The following KIAA0753 variants were observed in gnomAD, a reference collection of about 807,000 sequenced individuals.
KIAA0753 encodes protein moonraker.
Under a neutral mutation model 116.9 loss-of-function variants are expected in KIAA0753, and 114 were observed. The observed-to-expected ratio is 0.98, with a 90% CI of 0.84 to 1.14. The LOEUF (loss-of-function observed/expected upper bound fraction) is 1.14. Ranked by LOEUF, KIAA0753 falls within the 50% of genes most tolerant of loss-of-function variation. The probability of loss-of-function intolerance (pLI) is 0.00; values close to 1 mark genes in which losing one functional copy is unlikely to be tolerated. For missense variants in KIAA0753, 1,156 were observed against 1,172.4 expected (o/e 0.99, Z 0.20); for synonymous variants, 405 against 413.1 (o/e 0.98, Z 0.24).
intron 7 of KIAA0753, among the ~76,000 whole-genome samples, chr17:6,613,654 A>G (rs1012842900): frequency 3.3e-5 from 5 of 152,252 alleles, no homozygotes. Flanking sequence ...TGTTCAAAAA[A>G]CAGTGTTAAG....
chr17:6,618,197 C>T (rs1305128708), intron 7 of KIAA0753, among the ~76,000 whole-genome samples: 1 of 152,094 alleles, frequency 6.6e-6, no homozygotes. Flanking sequence ...AAGGTGGCTC[C>T]CCTGGAGAGG....
intron 15 of KIAA0753, 72 bp downstream of exon 15, chr17:6,596,086 G>C: frequency 7.1e-7 from 1 of 1,413,418 alleles, no homozygotes; most frequent in Non-Finnish European, 9.8e-7. Context: ...GGCTGCAGAG[G>C]CATGAGGAGA....
intron 7 of KIAA0753, among the ~76,000 whole-genome samples, chr17:6,612,622 C>T (rs1308834832): frequency 6.6e-6 from 1 of 152,190 alleles, no homozygotes; most frequent in Non-Finnish European, 1.5e-5. Context: ...AATCCCAGCA[C>T]TTTGGAAGGC....
At chr17:6,607,079 G>A in intron 11 of KIAA0753, 102 bp downstream of exon 11, 1 of 1,380,424 alleles carries the variant, frequency 7.2e-7, no homozygotes. Flanking sequence ...TTTTAAGGAG[G>A]CAGAAGTGTA....
At chr17:6,596,986 A>G (rs1969530024) in intron 14 of KIAA0753, among the ~76,000 whole-genome samples, 2 of 152,234 alleles carry the variant, frequency 1.3e-5, no homozygotes, top group South Asian at 4.1e-4. Flanking sequence ...TATATCAGGC[A>G]ATAGGATGAA....
At chr17:6,623,880 C>A (rs2150891599) in intron 4 of KIAA0753, 1 of 250,556 alleles carries the variant, frequency 4.0e-6, no homozygotes. Flanking sequence ...GTCTTACATG[C>A]CACGCTGAAG....
chr17:6,624,562 A>G (rs1030342168), intron 4 of KIAA0753, among the ~76,000 whole-genome samples, 193 bp downstream of exon 4: 2 of 151,934 alleles, frequency 1.3e-5, no homozygotes, highest in African/African-American at 4.8e-5. Context: ...ACACACACAC[A>G]CACACACACG....
chr17:6,588,326 T>C (rs1443624384), intron 18 of KIAA0753, among the ~76,000 whole-genome samples: 1 of 151,596 alleles, frequency 6.6e-6, no homozygotes, highest in African/African-American at 2.4e-5. Context: ...AAAATAAGAG[T>C]GTAAACCAAG....
chr17:6,592,108 T>C (rs927652536), intron 16 of KIAA0753, among the ~76,000 whole-genome samples: 2 of 152,186 alleles, frequency 1.3e-5, no homozygotes, highest in Non-Finnish European at 2.9e-5. Flanking sequence ...TTGACTGTTA[T>C]GTGAGAATGA....
rs1309694787 is a variant in KIAA0753, at chr17:6,590,587, A to AT, written c.2483dup (p.His828GlnfsTer25). The stretch of plus-strand genomic sequence containing the variant: ...CCACTGTCTTCGTGATTCTGATTGG[A>AT]TGAGGAGATAGAGGCTTTTCACTTA... On this transcript the variant is annotated frameshift_variant, in exon 17 of 19. Transcript: ENST00000361413. LOFTEE classifies it high-confidence loss of function. The AT allele has an allele frequency of 4.2e-5, 67 of 1,613,860 alleles. No homozygotes were observed. The highest frequency in any genetic ancestry group is 4.9e-5 in the Non-Finnish European group (58 of 1,179,928).
intron 7 of KIAA0753, among the ~76,000 whole-genome samples, chr17:6,615,627 A>AC (rs1192876194): frequency 6.6e-6 from 1 of 151,448 alleles, no homozygotes; most frequent in South Asian, 2.1e-4. Flanking sequence ...AAAAAAAAAA[A>AC]AAAAAAAAAA....
chr17:6,619,151 C>T (rs1971128325), intron 7 of KIAA0753, among the ~76,000 whole-genome samples: 1 of 151,988 alleles, frequency 6.6e-6, no homozygotes, highest in Non-Finnish European at 1.5e-5. Flanking sequence ...ATTGCTTAAA[C>T]CTGGGAGGCA....
chr17:6,595,184 A>T, intron 15 of KIAA0753, 131 bp from the exon 16 acceptor site: 1 of 641,772 alleles, frequency 1.6e-6, no homozygotes, highest in Non-Finnish European at 2.8e-6. Flanking sequence ...GGCACCTGTC[A>T]GGCCAGGAAG....
rs757178385 is a variant in KIAA0753 at position 6,628,278 on chromosome 17, G to GTT, written c.556_557insAA (p.Thr186LysfsTer20). On this transcript the variant is annotated frameshift_variant, in exon 3 of 19. Coordinates refer to ENST00000361413, the MANE Select transcript of KIAA0753 (RefSeq NM_014804.3). LOFTEE classifies it high-confidence loss of function. Reference sequence around the variant, plus strand: ...ATGGGTGGGTGGCGAATTTGGCACAGTAAGATCTGACTGGCCTGGATGAGA... The same window carrying GTT: ...ATGGGTGGGTGGCGAATTTGGCACAGTTTAAGATCTGACTGGCCTGGATGAGA... 28 of 1,614,096 alleles carry GTT rather than the reference G, an allele frequency of 1.7e-5. No homozygotes were observed. The highest frequency in any genetic ancestry group is 2.2e-5 in the Non-Finnish European group (26 of 1,180,054).
intron 18 of KIAA0753, among the ~76,000 whole-genome samples, chr17:6,583,001 A>C (rs1479595069): frequency 1.3e-5 from 2 of 152,074 alleles, no homozygotes; most frequent in African/African-American, 2.4e-5. Context: ...TAACCTACCT[A>C]TTTACCTATT....
chr17:6,603,271 G>GA (rs928247605), intron 12 of KIAA0753, among the ~76,000 whole-genome samples: 5 of 149,684 alleles, frequency 3.3e-5, no homozygotes, highest in African/African-American at 9.8e-5. Context: ...ACAGAGACAA[G>GA]AAAAAAAAAG....
chr17:6,620,901 G>A lies in KIAA0753; in HGVS notation c.1202C>T (p.Ala401Val), dbSNP rs1971273449. ...TGATGTACTTGGCCATCTCTCCAAG[G>A]CCTTTTGGCTACCGATAGGAAATCT... is the stretch of plus-strand genomic sequence containing the variant. Reference protein sequence around the residue: ...RSRFPIGSQKALERWPSTSPK... With the variant: ...RSRFPIGSQKVLERWPSTSPK... Residue 401 changes from alanine (A) to valine (V), a missense_variant, in exon 7 of 19, where the codon GCC becomes GTC. Transcript: ENST00000361413. 1 of 1,614,102 alleles carries A rather than the reference G, an allele frequency of 6.2e-7. No homozygotes were observed. The highest frequency in any genetic ancestry group is 8.5e-7 in the Non-Finnish European group (1 of 1,179,992).
chr17:6,602,629 C>T (rs1048135262), intron 12 of KIAA0753, among the ~76,000 whole-genome samples: 2 of 151,952 alleles, frequency 1.3e-5, no homozygotes, highest in African/African-American at 2.4e-5. Flanking sequence ...GAGTAGAGAA[C>T]GACCAAAAAA....
At chr17:6,599,959 A>G (rs955372439) in intron 13 of KIAA0753, among the ~76,000 whole-genome samples, 15 of 152,234 alleles carry the variant, frequency 9.9e-5, no homozygotes, top group African/African-American at 2.9e-4. Flanking sequence ...CTATAATTTC[A>G]TCCTCAAGAA....
Sources: gnomAD v4.1 joint callset for allele counts (sites outside exome capture counted in the v4.1 genomes callset) on GRCh38, gnomAD v4.1.1 for gene constraint, MANE v1.5 for transcripts, NCBI Gene and HGNC (gene_info 2026-07-23, HGNC 2026-07-21) for gene names.